The following NUP210L variants were observed in gnomAD, a reference collection of about 807,000 sequenced individuals.
NUP210L encodes nuclear pore membrane glycoprotein 210-like.
Under a neutral mutation model 208.5 loss-of-function variants are expected in NUP210L, and 74 were observed. That is an observed-to-expected ratio of 0.35 (90% CI 0.29 to 0.43). NUP210L has a LOEUF of 0.43. Ranked by LOEUF, NUP210L falls within the 20% of genes least tolerant of loss-of-function variation. The pLI, the probability that NUP210L is intolerant of heterozygous loss-of-function variation, is 1.00. For synonymous variants in NUP210L, 780 were observed against 816.9 expected, an observed-to-expected ratio of 0.95 and a Z score of 0.77; for missense variants, 1,843 against 2,289.4, an observed-to-expected ratio of 0.81 and a Z score of 3.98.
At chr1:154,118,546 C>T in intron 11 of NUP210L, 125 bp downstream of exon 11, 1 of 690,458 alleles carries the variant, frequency 1.4e-6, no homozygotes. Context: ...TTTTGGTTGT[C>T]ACCAAAACCC....
chr1:154,059,334 CA>C (rs576725365), intron 20 of NUP210L, among the ~76,000 whole-genome samples: 2,729 of 121,250 alleles, frequency 0.023, 51 homozygotes, highest in African/African-American at 0.058. Flanking sequence ...GACCTTGTCT[CA>C]AAAAAAAAAA....
chr1:154,145,636 A>G (rs183230108), intron 2 of NUP210L, among the ~76,000 whole-genome samples: 95 of 152,342 alleles, frequency 6.2e-4, no homozygotes, highest in African/African-American at 2.0e-3. Flanking sequence ...TACGTCATAG[A>G]TAATGAAAGT....
At chr1:154,136,110 A>G in intron 6 of NUP210L, 138 bp from the exon 7 acceptor site, 1 of 645,626 alleles carries the variant, frequency 1.5e-6, no homozygotes, top group Non-Finnish European at 2.7e-6. Context: ...TTTTCCTGCT[A>G]TGATGAATTT....
At chr1:154,052,566 G>A (rs1653576384) in intron 25 of NUP210L, among the ~76,000 whole-genome samples, 1 of 152,078 alleles carries the variant, frequency 6.6e-6, no homozygotes, top group African/African-American at 2.4e-5. Flanking sequence ...CTTCAACAAG[G>A]GCTGACACAG....
intron 16 of NUP210L, among the ~76,000 whole-genome samples, chr1:154,076,102 C>CCT (rs1655017899): frequency 8.5e-6 from 1 of 117,940 alleles, no homozygotes; most frequent in Non-Finnish European, 1.7e-5. Context: ...ACAAAGACTT[C>CCT]TTTTTTTTTT....
chr1:154,106,333 C>T (rs982131388), intron 12 of NUP210L, among the ~76,000 whole-genome samples: 13 of 152,062 alleles, frequency 8.5e-5, no homozygotes, highest in African/African-American at 2.4e-4. Context: ...CCAGCTTAGT[C>T]GCAGTAGAAT....
intron 35 of NUP210L, among the ~76,000 whole-genome samples, chr1:154,008,351 C>G (rs1650691970): frequency 6.6e-6 from 1 of 151,906 alleles, no homozygotes; most frequent in Non-Finnish European, 1.5e-5. Context: ...GAGTTTGAGA[C>G]CAGCCTGAGC....
exon 3 of NUP210L, chr1:154,143,471 C>A (rs1438779616): frequency 1.8e-5 from 29 of 1,613,840 alleles, no homozygotes; most frequent in Non-Finnish European, 2.5e-5. Context: ...CCCTCACCAT[C>A]AGTTCCAGTG....
At chr1:154,010,196 C>G in intron 34 of NUP210L, 75 bp from the exon 35 acceptor site, 1 of 1,379,732 alleles carries the variant, frequency 7.2e-7, no homozygotes, top group South Asian at 1.3e-5. Context: ...TATATGGAGG[C>G]AATTTTGAAG....
intron 35 of NUP210L, 98 bp from the exon 36 acceptor site, chr1:154,002,083 A>T: frequency 8.0e-7 from 1 of 1,242,318 alleles, no homozygotes; most frequent in Non-Finnish European, 1.1e-6. Context: ...ATGCAAATTC[A>T]GCAAAAGAGA....
chr1:154,130,244 C>T (rs1317517105), intron 7 of NUP210L, among the ~76,000 whole-genome samples: 1 of 151,972 alleles, frequency 6.6e-6, no homozygotes, highest in Non-Finnish European at 1.5e-5. Context: ...GAGGCTGAGG[C>T]AGAAGAATTG....
At chr1:154,132,392 C>T (rs1658304821) in intron 7 of NUP210L, among the ~76,000 whole-genome samples, 1 of 152,128 alleles carries the variant, frequency 6.6e-6, no homozygotes, top group Non-Finnish European at 1.5e-5. Context: ...AAAATTTCTG[C>T]TTGGATATCT....
intron 2 of NUP210L, among the ~76,000 whole-genome samples, chr1:154,143,920 G>A (rs1483905455): frequency 6.6e-6 from 1 of 152,138 alleles, no homozygotes; most frequent in Non-Finnish European, 1.5e-5. Context: ...GGTGGCTCAT[G>A]CCTGTAATCC....
chr1:153,995,207 A>C, intron 37 of NUP210L, 27 bp from the exon 38 acceptor site: 1 of 1,468,648 alleles, frequency 6.8e-7, no homozygotes, highest in Non-Finnish European at 9.5e-7. Flanking sequence ...ACAAAACAAG[A>C]TAATAGTTAA....
chr1:154,080,463 C>G (rs552607789), intron 16 of NUP210L, among the ~76,000 whole-genome samples: 12 of 152,086 alleles, frequency 7.9e-5, no homozygotes, highest in Non-Finnish European at 1.2e-4. Context: ...CACTTGAGGT[C>G]AGGAATTCAG....
At chr1:154,087,320 C>CAA (rs1185085313) in intron 16 of NUP210L, among the ~76,000 whole-genome samples, 3,351 of 59,580 alleles carry the variant, frequency 0.056, 195 homozygotes, top group African/African-American at 0.16. Context: ...AGCTCCATCT[C>CAA]AAAAAAAAAA....
chr1:154,030,061 A>T lies in NUP210L; in HGVS notation c.3697-7T>A. ...CTGGGAGCTGTAGAAAAACCTAGAC[A>T]GTGAAGGGATAGATTAAGAAATATT... is the stretch of plus-strand genomic sequence containing the variant. On this transcript the variant is annotated splice_region_variant and splice_polypyrimidine_tract_variant and intron_variant, in intron 27 of 39. Transcript: ENST00000368559. 1 of 1,563,274 alleles carries T rather than the reference A, an allele frequency of 6.4e-7. No individual in the cohort carries two copies. The highest frequency in any genetic ancestry group is 8.6e-7 in the Non-Finnish European group (1 of 1,162,036).
chr1:154,057,041 T>A, intron 22 of NUP210L, 94 bp from the exon 23 acceptor site: 1 of 1,239,154 alleles, frequency 8.1e-7, no homozygotes, highest in Non-Finnish European at 1.1e-6. Context: ...TGCAGTGGCA[T>A]GATCTCAGCT....
chr1:154,027,656 C>T (rs1423427347), intron 28 of NUP210L, 59 bp from the exon 29 acceptor site: 1 of 1,066,342 alleles, frequency 9.4e-7, no homozygotes, highest in Admixed American at 1.8e-5. Flanking sequence ...CTTTTACTTA[C>T]ATATAGACTT....
Sources: gnomAD v4.1 joint callset for allele counts (sites outside exome capture counted in the v4.1 genomes callset) on GRCh38, gnomAD v4.1.1 for gene constraint, MANE v1.5 for transcripts, NCBI Gene and HGNC (gene_info 2026-07-23, HGNC 2026-07-21) for gene names.